RSRC1: variants seen among roughly 807,000 people sequenced by gnomAD.
The protein encoded by RSRC1 is arginine and serine rich coiled-coil 1.
RSRC1 carries 39 observed loss-of-function variants against 49.1 expected under a neutral mutation model. That is an observed-to-expected ratio of 0.79 (90% CI 0.61 to 1.04). The LOEUF is 1.04. RSRC1 is among the 50% of genes least tolerant of loss of function. The pLI is 0.00. For synonymous variants in RSRC1, 143 were observed against 130.8 expected (o/e 1.09, Z -0.63); for missense variants, 388 against 402.4 (o/e 0.96, Z 0.31).
intron 6 of RSRC1, among the ~76,000 whole-genome samples, chr3:158,414,342 C>G (rs1253862314): frequency 6.6e-6 from 1 of 151,976 alleles, no homozygotes; most frequent in Non-Finnish European, 1.5e-5. Flanking sequence ...TAAGTGAGAG[C>G]TGAACAATGA....
At chr3:158,428,133 C>T (rs150508273) in intron 6 of RSRC1, among the ~76,000 whole-genome samples, 279 of 151,878 alleles carry the variant, frequency 1.8e-3, no homozygotes, top group African/African-American at 6.0e-3. Flanking sequence ...ATTGTTTGTT[C>T]TCCTTCCCTC....
At chr3:158,143,166 C>G (rs1716859119) in intron 3 of RSRC1, among the ~76,000 whole-genome samples, 1 of 152,030 alleles carries the variant, frequency 6.6e-6, no homozygotes, top group African/African-American at 2.4e-5. Flanking sequence ...ACACTTATTC[C>G]CAGGATGTTA....
chr3:158,333,363 A>G (rs931742622), intron 5 of RSRC1, among the ~76,000 whole-genome samples: 1 of 152,170 alleles, frequency 6.6e-6, no homozygotes, highest in Non-Finnish European at 1.5e-5. Context: ...TTTTCCTACC[A>G]TATAAAACTA....
intron 6 of RSRC1, among the ~76,000 whole-genome samples, chr3:158,375,344 C>G (rs1299489361): frequency 6.6e-6 from 1 of 151,316 alleles, no homozygotes; most frequent in Non-Finnish European, 1.5e-5. Flanking sequence ...ACCACAGGCA[C>G]ACCCTGTTAA....
At chr3:158,185,087 A>T (rs1323341399) in intron 3 of RSRC1, among the ~76,000 whole-genome samples, 1 of 151,968 alleles carries the variant, frequency 6.6e-6, no homozygotes, top group Non-Finnish European at 1.5e-5. Flanking sequence ...ACAGATTTAG[A>T]TTTTGCACAT....
At chr3:158,343,019 T>C (rs1730342967) in intron 5 of RSRC1, among the ~76,000 whole-genome samples, 1 of 152,188 alleles carries the variant, frequency 6.6e-6, no homozygotes, top group African/African-American at 2.4e-5. Flanking sequence ...ACAAGTTACC[T>C]GAGAGGAGTG....
intron 7 of RSRC1, among the ~76,000 whole-genome samples, chr3:158,528,828 C>G (rs1339156272): frequency 6.6e-6 from 1 of 151,928 alleles, no homozygotes. Flanking sequence ...GTGGATTTGA[C>G]TATCAATGTT....
At chr3:158,223,493 CTTT>C (rs1185122618) in intron 4 of RSRC1, among the ~76,000 whole-genome samples, 5 of 151,590 alleles carry the variant, frequency 3.3e-5, no homozygotes, top group African/African-American at 9.7e-5. Context: ...TATTTATCTT[CTTT>C]GTCTCCACTG....
intron 7 of RSRC1, among the ~76,000 whole-genome samples, chr3:158,476,164 A>G (rs1012818855): frequency 3.9e-5 from 6 of 152,154 alleles, no homozygotes; most frequent in South Asian, 4.1e-4. Context: ...CTTCAATTCT[A>G]TGAAGCTGAG....
chr3:158,508,307 CT>C lies in RSRC1; in HGVS notation c.653-28778del, dbSNP rs569339685. Among the ~76,000 whole-genome samples, 426 of 152,050 alleles carry C rather than the reference CT, an allele frequency of 2.8e-3. 2 individuals are homozygous for C. Among genetic ancestry groups the C allele is most frequent in the African/African-American group, 9.4e-3 (389 of 41,484 alleles). On this transcript the variant is annotated intron_variant, in intron 7 of 9. Coordinates refer to ENST00000611884, the MANE Select transcript of RSRC1 (RefSeq NM_001271838.2). Reference sequence around the variant, plus strand: ...TTCGTTTTCCTTTTCCTCTGTTTCTCTTTTTTTCTTCTTATTTCTCCCTCCT... The same window carrying C: ...TTCGTTTTCCTTTTCCTCTGTTTCTCTTTTTTCTTCTTATTTCTCCCTCCT...
At chr3:158,473,237 A>T (rs544734373) in intron 7 of RSRC1, among the ~76,000 whole-genome samples, 35 of 152,270 alleles carry the variant, frequency 2.3e-4, no homozygotes, top group African/African-American at 8.2e-4. Context: ...GGCACTACTC[A>T]CAATAGCAAA....
intron 9 of RSRC1, 57 bp from the exon 10 acceptor site, chr3:158,544,126 T>C: frequency 8.2e-7 from 1 of 1,219,502 alleles, no homozygotes; most frequent in Non-Finnish European, 1.2e-6. Flanking sequence ...TCATTTTAGG[T>C]CAAATTCAAG....
chr3:158,294,346 C>T (rs564643414), intron 4 of RSRC1, among the ~76,000 whole-genome samples: 28 of 152,076 alleles, frequency 1.8e-4, no homozygotes, highest in African/African-American at 6.7e-4. Flanking sequence ...TTGTAATACC[C>T]ACTATCATAT....
chr3:158,317,942 C>T (rs1728551688), intron 5 of RSRC1, among the ~76,000 whole-genome samples: 1 of 152,188 alleles, frequency 6.6e-6, no homozygotes. Flanking sequence ...CAGCCTGTGG[C>T]CCACATGCAG....
intron 6 of RSRC1, among the ~76,000 whole-genome samples, chr3:158,387,464 C>A (rs56123505): frequency 0.22 from 33,056 of 151,950 alleles, 4,212 homozygotes; most frequent in Non-Finnish European, 0.29. Context: ...TAGAGTAGTT[C>A]CTTTAGCTTA....
chr3:158,390,962 T>C (rs1733252087), intron 6 of RSRC1, among the ~76,000 whole-genome samples: 1 of 152,168 alleles, frequency 6.6e-6, no homozygotes, highest in South Asian at 2.1e-4. Context: ...AAATTACTTA[T>C]TATTTTTTCT....
At chr3:158,120,462 A>G (rs1259870049) in intron 1 of RSRC1, among the ~76,000 whole-genome samples, 1 of 150,982 alleles carries the variant, frequency 6.6e-6, no homozygotes, top group African/African-American at 2.4e-5. Context: ...AATTTAACAT[A>G]TTATAAGTTG....
At chr3:158,524,639 T>C (rs772944214) in intron 7 of RSRC1, among the ~76,000 whole-genome samples, 1 of 152,038 alleles carries the variant, frequency 6.6e-6, no homozygotes, top group Admixed American at 6.6e-5. Flanking sequence ...GCAGACAAAA[T>C]TGAAATCCAT....
chr3:158,298,147 G>A, intron 5 of RSRC1, 72 bp downstream of exon 5: 1 of 1,146,470 alleles, frequency 8.7e-7, no homozygotes, highest in Non-Finnish European at 1.3e-6. Flanking sequence ...ACTTTTGAAT[G>A]AGCTTTGAAT....
Sources: allele counts gnomAD v4.1 joint callset (sites outside exome capture counted in the v4.1 genomes callset), GRCh38; gene constraint gnomAD v4.1.1; transcripts MANE v1.5; gene names NCBI Gene and HGNC (gene_info 2026-07-23, HGNC 2026-07-21).